Variants in MMP20 observed in about 807,000 individuals in gnomAD.
The protein encoded by MMP20 is matrix metallopeptidase 20, also known as matrix metalloproteinase-20.
A neutral mutation model predicts 51.8 loss-of-function variants in MMP20; 50 were observed. That is an observed-to-expected ratio of 0.97 (90% CI 0.77 to 1.22). The LOEUF (loss-of-function observed/expected upper bound fraction) is 1.22. Among genes scored for constraint, MMP20 ranks in the 50% most tolerant of loss-of-function variants. MMP20 has a pLI of 0.00. For missense variants in MMP20, 663 were observed against 601.4 expected (o/e 1.10, Z -1.07); for synonymous variants, 244 against 216.2 (o/e 1.13, Z -1.13).
intron 6 of MMP20, among the ~76,000 whole-genome samples, chr11:102,601,988 C>T (rs1360749869): frequency 2.8e-5 from 4 of 144,394 alleles, no homozygotes; most frequent in Non-Finnish European, 6.0e-5. Flanking sequence ...CTTGCTCTGT[C>T]GCCCAGGCTG....
In MMP20 at chr11:102,609,964, T is replaced by C; in HGVS notation, c.590A>G (p.Glu197Gly). ...GTLAHAFAPG[E>G]GLGGDTHFDN... ...GAAATGTGTATCTCCTCCCAGGCCT[T>C]CTCCAGGAGCAAATGCATGGGCTAG... The change falls in exon 4 of 10, where the codon GAA (glutamate) becomes GGA (glycine). Residue 197 changes from glutamate to glycine, a missense_variant. Transcript: ENST00000260228. 6.2e-7 allele frequency: 1 copy of C among 1,614,092 alleles called. No homozygotes were observed. The highest frequency in any genetic ancestry group is 8.5e-7 in the Non-Finnish European group (1 of 1,180,012).
intron 8 of MMP20, among the ~76,000 whole-genome samples, chr11:102,592,277 G>A (rs1007293918): frequency 6.6e-6 from 1 of 152,126 alleles, no homozygotes; most frequent in Non-Finnish European, 1.5e-5. Context: ...AAAAATAGCT[G>A]GCCTAGTGGC....
chr11:102,608,779 T>A (rs577923318), intron 5 of MMP20, among the ~76,000 whole-genome samples, 158 bp downstream of exon 5: 17 of 152,352 alleles, frequency 1.1e-4, no homozygotes, highest in African/African-American at 4.1e-4. Context: ...CACACACATA[T>A]TTATAACTAG....
rs1326131796 is a variant in MMP20 at position 102,594,687 on chromosome 11, G to A, written c.1024C>T (p.Gln342Ter). ...GCTGCATCCACATTGGACATGAGCT[G>A]GGGGAAGGAGCTGGTAATAGTGCTG... ...RPSTITSSFP[Q>*]LMSNVDAAYE... Residue 342 changes from glutamine to a stop codon, truncating the protein, a stop_gained, in exon 7 of 10, where the codon CAG (glutamine) becomes TAG (stop). Transcript: ENST00000260228. LOFTEE classifies it high-confidence loss of function. The A allele has an allele frequency of 6.2e-7, 1 of 1,613,244 alleles. No homozygotes were observed. The highest frequency in any genetic ancestry group is 2.2e-5 in the East Asian group (1 of 44,838).
At chr11:102,592,389 G>A (rs1237081723) in intron 8 of MMP20, among the ~76,000 whole-genome samples, 1 of 152,052 alleles carries the variant, frequency 6.6e-6, no homozygotes, top group African/African-American at 2.4e-5. Flanking sequence ...GTCCATATTT[G>A]TTTGCAATTC....
intron 3 of MMP20, among the ~76,000 whole-genome samples, chr11:102,611,112 T>C (rs532993199): frequency 5.3e-5 from 8 of 152,182 alleles, no homozygotes; most frequent in Non-Finnish European, 7.3e-5. Context: ...TTTTTCTAGC[T>C]CCTAAGCATG....
chr11:102,580,132 C>T (rs1388544014), intron 8 of MMP20, among the ~76,000 whole-genome samples: 4 of 152,108 alleles, frequency 2.6e-5, no homozygotes, highest in African/African-American at 9.7e-5. Flanking sequence ...AATAGTAGAC[C>T]TGATTTCTTT....
chr11:102,622,726 T>C (rs1435760491), intron 1 of MMP20, among the ~76,000 whole-genome samples: 3 of 152,182 alleles, frequency 2.0e-5, no homozygotes, highest in Non-Finnish European at 4.4e-5. Flanking sequence ...CTCATCCTCA[T>C]GGAAGGAGCA....
intron 8 of MMP20, among the ~76,000 whole-genome samples, chr11:102,591,941 G>T (rs1351962616): frequency 2.0e-5 from 3 of 152,172 alleles, no homozygotes; most frequent in Admixed American, 2.0e-4. Flanking sequence ...GGTGATAAAT[G>T]GGCAAGAGAG....
At chr11:102,605,012 C>T (rs1859496188) in intron 6 of MMP20, among the ~76,000 whole-genome samples, 1 of 152,156 alleles carries the variant, frequency 6.6e-6, no homozygotes, top group Non-Finnish European at 1.5e-5. Flanking sequence ...GAAGCCTTTA[C>T]CTTCAATGGG....
At position 102,623,525 on chromosome 11, in the gene MMP20, T is replaced by C. The variant is rs77819961; in HGVS notation, c.126+1669A>G. 6.8e-3 allele frequency among the ~76,000 whole-genome samples: 1,033 copies of C among 152,290 alleles called. 17 individuals are homozygous for C. Among genetic ancestry groups the C allele is most frequent in the African/African-American group, 0.024 (984 of 41,566 alleles). ...TCCCAAAACCATCACCCCTCCAGCC[T>C]CCTACTTCCCACGTCCATGAAAAAC... On this transcript the variant is annotated intron_variant, in intron 1 of 9. Transcript: ENST00000260228.
chr11:102,620,649 G>A (rs567191401), intron 1 of MMP20, among the ~76,000 whole-genome samples: 5 of 152,270 alleles, frequency 3.3e-5, no homozygotes, highest in African/African-American at 1.2e-4. Context: ...CCCTTATTCC[G>A]TGCATTTTCC....
At chr11:102,606,731 C>T (rs768967162) in intron 5 of MMP20, 55 bp from the exon 6 acceptor site, 23 of 1,601,466 alleles carry the variant, frequency 1.4e-5, no homozygotes, top group East Asian at 1.1e-4. Flanking sequence ...AGTTCACACA[C>T]TTCTGCTCTA....
intron 8 of MMP20, among the ~76,000 whole-genome samples, chr11:102,581,353 A>G (rs913127110): frequency 1.3e-5 from 2 of 152,198 alleles, no homozygotes; most frequent in Admixed American, 6.5e-5. Context: ...TTTAATCTTT[A>G]AACTTACTTT....
In MMP20 at chr11:102,609,917, T is replaced by G. The variant is rs766226760; in HGVS notation, c.637A>C (p.Met213Leu). 2 of 1,614,056 alleles carry G rather than the reference T, an allele frequency of 1.2e-6. No homozygotes were observed. Among genetic ancestry groups the G allele is most frequent in the African/African-American group, 2.7e-5 (2 of 74,924 alleles). The change falls in exon 4 of 10, where the codon ATG becomes CTG. Residue 213 changes from methionine (M) to leucine (L), a missense_variant. Transcript: ENST00000260228. ...THFDNAEKWTMGTNGFNLFTV... is the reference protein window; with the variant it reads ...THFDNAEKWTLGTNGFNLFTV... Reference sequence around the variant, plus strand: ...TGTGCATATATACCATTCGTTCCCATAGTCCACTTCTCAGCATTGTCGAAA... The same window carrying G: ...TGTGCATATATACCATTCGTTCCCAGAGTCCACTTCTCAGCATTGTCGAAA...
chr11:102,589,954 T>G (rs1859298856), intron 8 of MMP20, among the ~76,000 whole-genome samples: 1 of 152,218 alleles, frequency 6.6e-6, no homozygotes, highest in South Asian at 2.1e-4. Flanking sequence ...GGAAGACGTA[T>G]TCTACTTTGC....
At chr11:102,586,050 C>A (rs985871394) in intron 8 of MMP20, among the ~76,000 whole-genome samples, 2 of 151,994 alleles carry the variant, frequency 1.3e-5, no homozygotes, top group African/African-American at 4.8e-5. Context: ...AGATACTGGT[C>A]TGAAGCTTTA....
intron 8 of MMP20, among the ~76,000 whole-genome samples, chr11:102,580,949 A>T (rs1859185518): frequency 6.6e-6 from 1 of 152,194 alleles, no homozygotes; most frequent in Non-Finnish European, 1.5e-5. Context: ...CTTTGTGATG[A>T]TCTAGCCCTT....
In MMP20 at chr11:102,609,007, A is replaced by T; in HGVS notation, c.741T>A (p.Thr247=). ...ATCCATAGGGATTCTTGTACTTATA[A>T]GTTGGGTACATCAGTGCTGATGGGT... is the stretch of plus-strand genomic sequence containing the variant. The part of the protein sequence containing the change: ...STDPSALMYP[T]YKYKNPYGFH... The change falls in exon 5 of 10, where the codon ACT becomes ACA. Residue 247 remains threonine (T), a synonymous_variant. Transcript: ENST00000260228. 1 of 1,614,026 alleles carries T rather than the reference A, an allele frequency of 6.2e-7. No homozygotes were observed. The highest frequency in any genetic ancestry group is 1.1e-5 in the South Asian group (1 of 91,076).
Sources: gnomAD v4.1 joint callset for allele counts (sites outside exome capture counted in the v4.1 genomes callset) on GRCh38, gnomAD v4.1.1 for gene constraint, MANE v1.5 for transcripts, NCBI Gene and HGNC (gene_info 2026-07-23, HGNC 2026-07-21) for gene names.